The following SMARCC1 variants were observed in gnomAD, a reference collection of about 807,000 sequenced individuals.
The protein encoded by SMARCC1 is SWI/SNF complex subunit SMARCC1.
A neutral mutation model predicts 147.4 loss-of-function variants in SMARCC1; 43 were observed. That is an observed-to-expected ratio of 0.29 (90% confidence interval 0.23 to 0.38). The LOEUF (loss-of-function observed/expected upper bound fraction) is 0.38, where lower values mean the gene tolerates loss of function less well. Among genes scored for constraint, SMARCC1 ranks in the 10% least tolerant of loss-of-function variants. The pLI is 1.00. For missense variants in SMARCC1, 1,119 were observed against 1,381.1 expected (o/e 0.81, Z 3.01); for synonymous variants, 495 against 484.4 (o/e 1.02, Z -0.29).
intron 5 of SMARCC1, among the ~76,000 whole-genome samples, chr3:47,734,496 A>T (rs1462467174): frequency 6.6e-6 from 1 of 152,232 alleles, no homozygotes; most frequent in African/African-American, 2.4e-5. Context: ...GCAGCAGGAA[A>T]AAAAGACATT....
intron 24 of SMARCC1, among the ~76,000 whole-genome samples, chr3:47,624,276 C>G (rs1305352512): frequency 6.6e-6 from 1 of 151,656 alleles, no homozygotes; most frequent in East Asian, 1.9e-4. Context: ...AGTGACAGAA[C>G]AAGAATCCAT....
In SMARCC1 at chr3:47,586,552, T is replaced by C. The variant is rs1033994988; in HGVS notation, c.*1657A>G. 6.5e-6 allele frequency: 1 copy of C among 152,678 alleles called. No homozygotes were observed. Among genetic ancestry groups the C allele is most frequent in the Admixed American group, 6.5e-5 (1 of 15,290 alleles). 9.5% of individuals were successfully genotyped at this position (152,678 alleles called of 1,614,324 possible). The stretch of plus-strand genomic sequence containing the variant: ...CCTGGTTAGAGGCAAACCTGAGGGT[T>C]TGAAAGGCAAATCTCAATTGTGGTT... On this transcript the variant is annotated 3_prime_UTR_variant, in exon 28 of 28. Transcript: ENST00000254480.
At chr3:47,630,699 C>A (rs2032874811) in intron 24 of SMARCC1, among the ~76,000 whole-genome samples, 1 of 152,186 alleles carries the variant, frequency 6.6e-6, no homozygotes, top group African/African-American at 2.4e-5. Flanking sequence ...TAGTGTAAAT[C>A]AATTTCAATC....
At chr3:47,678,609 G>C (rs562332390) in intron 15 of SMARCC1, among the ~76,000 whole-genome samples, 1 of 152,188 alleles carries the variant, frequency 6.6e-6, no homozygotes. Context: ...AAACTAACAC[G>C]TGGTTACATA....
At chr3:47,697,835 GTC>G (rs1373777577) in intron 11 of SMARCC1, among the ~76,000 whole-genome samples, 5 of 150,372 alleles carry the variant, frequency 3.3e-5, no homozygotes, top group Non-Finnish European at 7.4e-5. Context: ...GTGAAACCCC[GTC>G]TCTACTAAAA....
chr3:47,638,578 G>A (rs1245720935), intron 22 of SMARCC1, 147 bp downstream of exon 22: 9 of 661,840 alleles, frequency 1.4e-5, no homozygotes, highest in Non-Finnish European at 2.2e-5. Context: ...ATTATATCCT[G>A]TGAGAACTAT....
intron 18 of SMARCC1, among the ~76,000 whole-genome samples, chr3:47,673,508 G>A (rs1425547498): frequency 6.6e-6 from 1 of 151,072 alleles, no homozygotes. Context: ...AGTCAACATG[G>A]AGAAACCCTG....
chr3:47,630,271 G>A (rs940045999), intron 24 of SMARCC1, among the ~76,000 whole-genome samples: 2 of 152,014 alleles, frequency 1.3e-5, no homozygotes, highest in Non-Finnish European at 2.9e-5. Flanking sequence ...TAGATCCCTC[G>A]CATGCACAGT....
At chr3:47,737,247 A>G (rs979976621) in intron 4 of SMARCC1, among the ~76,000 whole-genome samples, 2 of 152,118 alleles carry the variant, frequency 1.3e-5, no homozygotes, top group African/African-American at 4.8e-5. Flanking sequence ...TAAAAAAATT[A>G]GCCAGGTGTG....
chr3:47,677,917 G>A (rs1389196429), intron 16 of SMARCC1, among the ~76,000 whole-genome samples: 2 of 152,088 alleles, frequency 1.3e-5, no homozygotes, highest in East Asian at 1.9e-4. Flanking sequence ...TCGGGAGGCG[G>A]AGGCAGGAGA....
At chr3:47,705,372 A>G (rs2033979988) in intron 10 of SMARCC1, among the ~76,000 whole-genome samples, 1 of 151,914 alleles carries the variant, frequency 6.6e-6, no homozygotes, top group African/African-American at 2.4e-5. Context: ...TACCCCATAA[A>G]CAGCTAACGA....
At chr3:47,663,333 A>C (rs1222103544) in intron 19 of SMARCC1, among the ~76,000 whole-genome samples, 1 of 152,148 alleles carries the variant, frequency 6.6e-6, no homozygotes, top group Non-Finnish European at 1.5e-5. Flanking sequence ...CTATAAAAAA[A>C]AGTACTAAAA....
intron 21 of SMARCC1, among the ~76,000 whole-genome samples, chr3:47,639,621 G>A (rs1251175363): frequency 6.6e-6 from 1 of 152,132 alleles, no homozygotes; most frequent in Non-Finnish European, 1.5e-5. Flanking sequence ...GTCTGAGGCA[G>A]GAGAATCACT....
intron 2 of SMARCC1, among the ~76,000 whole-genome samples, chr3:47,769,771 T>C (rs914678111): frequency 6.6e-6 from 1 of 152,194 alleles, no homozygotes; most frequent in Admixed American, 6.6e-5. Flanking sequence ...AATCAAATTC[T>C]TAACATTTGC....
intron 21 of SMARCC1, among the ~76,000 whole-genome samples, chr3:47,659,768 G>C (rs534235517): frequency 4.3e-5 from 5 of 116,946 alleles, no homozygotes; most frequent in African/African-American, 9.5e-5. Context: ...AAAGGGGGGG[G>C]GGGCAAGAAT....
At chr3:47,628,791 C>A (rs1296547401) in intron 24 of SMARCC1, among the ~76,000 whole-genome samples, 1 of 152,090 alleles carries the variant, frequency 6.6e-6, no homozygotes, top group Non-Finnish European at 1.5e-5. Context: ...GTCTTGAACT[C>A]CTGACCTCCC....
At chr3:47,727,867 A>G (rs1247541473) in intron 6 of SMARCC1, among the ~76,000 whole-genome samples, 3 of 151,944 alleles carry the variant, frequency 2.0e-5, no homozygotes, top group Non-Finnish European at 4.4e-5. Flanking sequence ...CTGGGATTAC[A>G]GGCCTGAGCC....
rs756380794 is a variant in SMARCC1, at chr3:47,635,249, C to T, written c.2587G>A (p.Glu863Lys). 10 of 1,613,602 alleles carry T rather than the reference C, an allele frequency of 6.2e-6. No individual in the cohort carries two copies. The highest frequency in any genetic ancestry group is 2.7e-5 in the African/African-American group (2 of 74,914). Residue 863 changes from glutamate (E) to lysine (K), a missense_variant, in exon 24 of 28, where the codon GAA becomes AAA. Around this residue, in one of 6 missense-constraint regions of SMARCC1, gnomAD observed 157 missense variants for 158.6 expected, o/e 0.99. Coordinates refer to ENST00000254480, the MANE Select transcript of SMARCC1 (RefSeq NM_003074.4). ...GCTGCGGCTGTGGCAACATTTCCTT[C>T]GGAAATTTCATGTTCTACTTTCTTC... ...GKKKVEHEIS[E>K]GNVATAAAAA... is the part of the protein sequence containing the mutation.
intron 25 of SMARCC1, among the ~76,000 whole-genome samples, chr3:47,614,941 T>C (rs1027017856): frequency 2.6e-5 from 4 of 152,240 alleles, no homozygotes; most frequent in African/African-American, 4.8e-5. Context: ...GACTCATTTA[T>C]GCTCCAGCCC....
Sources: allele counts gnomAD v4.1 joint callset (sites outside exome capture counted in the v4.1 genomes callset), GRCh38; gene constraint gnomAD v4.1.1; regional missense constraint gnomAD v4.1.1; transcripts MANE v1.5; gene names NCBI Gene and HGNC (gene_info 2026-07-23, HGNC 2026-07-21).